CDK6: variants seen among roughly 807,000 people sequenced by gnomAD.
CDK6 encodes the protein cyclin-dependent kinase 6.
In CDK6, 6 loss-of-function variants were observed where a neutral mutation model predicts 37.1. The ratio of observed to expected loss-of-function variants is 0.16; its 90% CI spans 0.09 to 0.32. CDK6 has a LOEUF of 0.32. Among genes scored for constraint, CDK6 ranks in the 10% least tolerant of loss-of-function variants. The pLI, the probability that CDK6 is intolerant of heterozygous loss-of-function variation, is 1.00. For synonymous variants in CDK6, 160 were observed against 161.3 expected (o/e 0.99, Z 0.06); for missense variants, 224 against 418.9 (o/e 0.53, Z 4.06).
intron 3 of CDK6, among the ~76,000 whole-genome samples, chr7:92,772,917 TA>T (rs1799753096): frequency 6.6e-6 from 1 of 152,124 alleles, no homozygotes; most frequent in African/African-American, 2.4e-5. Flanking sequence ...ATGTAAGATA[TA>T]AAATATATGG....
At chr7:92,717,338 T>A (rs1585424341) in intron 4 of CDK6, among the ~76,000 whole-genome samples, 3 of 128,310 alleles carry the variant, frequency 2.3e-5, no homozygotes, top group African/African-American at 9.2e-5. Flanking sequence ...CAAGACCTGG[T>A]CAAGGAAAGG....
intron 4 of CDK6, among the ~76,000 whole-genome samples, chr7:92,709,601 AAT>A (rs1798040407): frequency 6.6e-6 from 1 of 152,176 alleles, no homozygotes; most frequent in African/African-American, 2.4e-5. Context: ...CCAAATACTG[AAT>A]ATTACTTTTA....
At chr7:92,647,753 C>T (rs1450877654) in intron 5 of CDK6, among the ~76,000 whole-genome samples, 2 of 152,098 alleles carry the variant, frequency 1.3e-5, no homozygotes, top group South Asian at 2.1e-4. Flanking sequence ...TGGCTACAGA[C>T]CTTGATGTGT....
intron 2 of CDK6, among the ~76,000 whole-genome samples, chr7:92,786,364 C>T (rs1800132236): frequency 6.6e-6 from 1 of 152,170 alleles, no homozygotes; most frequent in Non-Finnish European, 1.5e-5. Context: ...AGGTACTGAT[C>T]TAATAAAACA....
In CDK6 at chr7:92,613,194, A is replaced by T. The variant is rs2116472074; in HGVS notation, c.*1946T>A. ...AAAAAGAATAGTTCCCAACCCCAAA[A>T]GCTCTTCAGGAGAAACATCTCCTAG... is the stretch of plus-strand genomic sequence containing the variant. On this transcript the variant is annotated 3_prime_UTR_variant, in exon 8 of 8. Coordinates refer to ENST00000424848, the MANE Select transcript of CDK6 (RefSeq NM_001145306.2). 1 of 233,242 alleles carries T rather than the reference A, an allele frequency of 4.3e-6. No homozygotes were observed. Among genetic ancestry groups the T allele is most frequent in the South Asian group, 1.8e-4 (1 of 5,528 alleles). 14.4% of individuals were successfully genotyped at this position (233,242 alleles called of 1,614,324 possible). A position where few individuals can be genotyped will look rare whatever the true frequency, so the allele number is the denominator to read the frequency against.
At chr7:92,716,584 T>C (rs1448757841) in intron 4 of CDK6, among the ~76,000 whole-genome samples, 1 of 152,218 alleles carries the variant, frequency 6.6e-6, no homozygotes. Context: ...AAACTTACAC[T>C]ATGATATTAT....
At chr7:92,759,764 T>C (rs985863404) in intron 3 of CDK6, among the ~76,000 whole-genome samples, 15 of 151,984 alleles carry the variant, frequency 9.9e-5, no homozygotes, top group Admixed American at 2.0e-4. Context: ...TTCCCTTTGT[T>C]TGGCATCACT....
At chr7:92,662,545 A>C (rs911233643) in intron 5 of CDK6, among the ~76,000 whole-genome samples, 3 of 152,172 alleles carry the variant, frequency 2.0e-5, no homozygotes, top group Non-Finnish European at 4.4e-5. Context: ...TGAAGTCCCT[A>C]ATGTACAATG....
intron 5 of CDK6, among the ~76,000 whole-genome samples, chr7:92,664,685 T>C (rs1191749913): frequency 2.0e-5 from 3 of 152,220 alleles, no homozygotes; most frequent in Non-Finnish European, 4.4e-5. Context: ...TGGCATTTCT[T>C]AGCTATGGAT....
chr7:92,785,005 T>G (rs1297724198), intron 2 of CDK6, among the ~76,000 whole-genome samples: 1 of 152,152 alleles, frequency 6.6e-6, no homozygotes, highest in Non-Finnish European at 1.5e-5. Context: ...TCTTAACAAC[T>G]GTATGAGATG....
At chr7:92,778,922 A>ATC (rs1206242979) in intron 2 of CDK6, among the ~76,000 whole-genome samples, 1 of 107,592 alleles carries the variant, frequency 9.3e-6, no homozygotes, top group African/African-American at 4.6e-5. Context: ...TTTATAGTTT[A>ATC]TCATATATAT....
intron 3 of CDK6, among the ~76,000 whole-genome samples, chr7:92,772,565 C>T (rs928229776): frequency 6.6e-6 from 1 of 152,110 alleles, no homozygotes; most frequent in Non-Finnish European, 1.5e-5. Flanking sequence ...TTTAATGTCA[C>T]CTTGTTCAAG....
chr7:92,686,528 G>C (rs1797458799), intron 4 of CDK6, among the ~76,000 whole-genome samples: 1 of 151,732 alleles, frequency 6.6e-6, no homozygotes, highest in Non-Finnish European at 1.5e-5. Context: ...TTATCCACTT[G>C]TTGACTGATG....
rs373551502 is a variant in CDK6 at position 92,631,209 on chromosome 7, A to G, written c.648-8123T>C. Among the ~76,000 whole-genome samples the G allele has an allele frequency of 3.9e-5, 6 of 152,244 alleles. 1 individual carries two copies. The highest frequency in any genetic ancestry group is 1.4e-4 in the African/African-American group (6 of 41,560). On this transcript the variant is annotated intron_variant, in intron 5 of 7. Coordinates refer to ENST00000424848, the MANE Select transcript of CDK6 (RefSeq NM_001145306.2). ...GGGCCCAGGAATAGGGTAACCAACG[A>G]GCCCAGTTTGCCCAAGATTGTCCCA... is the stretch of plus-strand genomic sequence containing the variant.
chr7:92,644,751 T>C (rs1410299501), intron 5 of CDK6, among the ~76,000 whole-genome samples: 6 of 152,200 alleles, frequency 3.9e-5, no homozygotes, highest in Admixed American at 2.6e-4. Context: ...ACCAGGACCT[T>C]AGAGGTTTCT....
chr7:92,625,532 CA>C (rs67461662), intron 5 of CDK6, among the ~76,000 whole-genome samples: 17,552 of 142,670 alleles, frequency 0.12, 1,847 homozygotes, highest in African/African-American at 0.29. Context: ...TGCAGTTTTG[CA>C]AAAAAAAACA....
chr7:92,668,158 T>TA (rs1797000057), intron 5 of CDK6, among the ~76,000 whole-genome samples: 1 of 152,250 alleles, frequency 6.6e-6, no homozygotes, highest in Non-Finnish European at 1.5e-5. Flanking sequence ...CACAAATACT[T>TA]ACCATTGTGT....
intron 3 of CDK6, among the ~76,000 whole-genome samples, chr7:92,740,160 C>T (rs969442075): frequency 7.2e-5 from 11 of 152,200 alleles, no homozygotes; most frequent in African/African-American, 2.2e-4. Context: ...AGCACTTTAA[C>T]GTCTGCTTCC....
intron 5 of CDK6, among the ~76,000 whole-genome samples, chr7:92,626,415 A>C (rs549789281): frequency 6.6e-6 from 1 of 152,192 alleles, no homozygotes; most frequent in East Asian, 1.9e-4. Flanking sequence ...AGTCGCGGTA[A>C]TCGTTTCATC....
Sources: gnomAD v4.1 joint callset for allele counts (sites outside exome capture counted in the v4.1 genomes callset) on GRCh38, gnomAD v4.1.1 for gene constraint, MANE v1.5 for transcripts, NCBI Gene and HGNC (gene_info 2026-07-23, HGNC 2026-07-21) for gene names.